The following RBBP5 variants were observed in gnomAD, a reference collection of about 807,000 sequenced individuals.
RBBP5 encodes RB binding protein 5, histone lysine methyltransferase complex subunit, also known as retinoblastoma-binding protein 5.
RBBP5 carries 5 observed loss-of-function variants against 72.2 expected under a neutral mutation model. The observed-to-expected ratio is 0.07, with a 90% CI of 0.04 to 0.15. The LOEUF (loss-of-function observed/expected upper bound fraction) is 0.15. RBBP5 is among the 10% of genes least tolerant of loss of function. RBBP5 has a pLI of 1.00. For missense variants in RBBP5, 322 were observed against 652.2 expected (o/e 0.49, Z 5.51); for synonymous variants, 209 against 237.2 (o/e 0.88, Z 1.09).
Position 205,095,037 on chromosome 1 carries a change from C to T in RBBP5, c.1424G>A (p.Gly475Glu). The T allele has an allele frequency of 6.2e-7, 1 of 1,614,086 alleles. No homozygotes were observed. Among genetic ancestry groups the T allele is most frequent in the Non-Finnish European group, 8.5e-7 (1 of 1,180,016 alleles). ...TTGCTTCTTCTTGGATTTGCCATCC[C>T]CCTTCACACCCAGTAGTGGATGGAC... The part of the protein sequence containing the change: ...DEVHPLLGVK[G>E]DGKSKKKQAG... Residue 475 changes from glycine (G) to glutamate (E), a missense_variant, in exon 13 of 14, where the codon GGG (glycine) becomes GAG (glutamate). By Grantham distance (98) the Gly-to-Glu change is moderately conservative (BLOSUM62 -2). Around this residue, in one of 6 missense-constraint regions of RBBP5, gnomAD observed 109 missense variants for 146.3 expected, o/e 0.75. Coordinates refer to ENST00000264515, the MANE Select transcript of RBBP5 (RefSeq NM_005057.4).
chr1:205,087,116 G>T lies in RBBP5; in HGVS notation c.*1671C>A, dbSNP rs1269633717. On this transcript the variant is annotated 3_prime_UTR_variant, in exon 14 of 14. Transcript: ENST00000264515. ...GAGACAAAGAGGCTCTTGCTGACGT[G>T]CTCTACTTTGATTTCTATCCTAAAA... 1 of 152,070 alleles carries T rather than the reference G, an allele frequency of 6.6e-6. No individual in the cohort carries two copies. Among genetic ancestry groups the T allele is most frequent in the African/African-American group, 2.4e-5 (1 of 41,406 alleles). 9.4% of individuals were successfully genotyped at this position (152,070 alleles called of 1,614,324 possible).
intron 3 of RBBP5, among the ~76,000 whole-genome samples, chr1:205,109,252 A>AGGGTAAAAGGGGGGATGATGGGAGG (rs1656206150): frequency 6.6e-6 from 1 of 152,090 alleles, no homozygotes; most frequent in African/African-American, 2.4e-5. Context: ...TGATGATAGG[A>AGGGTAAAAGGGGGGATGATGGGAGG]GGGTAAAAGG....
Position 205,099,639 on chromosome 1 carries a change from G to T in RBBP5, c.978+102C>A. The T allele has an allele frequency of 8.0e-7, 1 of 1,253,274 alleles. No homozygotes were observed. Among genetic ancestry groups the T allele is most frequent in the Non-Finnish European group, 1.1e-6 (1 of 893,000 alleles). 77.6% of individuals were successfully genotyped at this position (1,253,274 alleles called of 1,614,324 possible). A position where few individuals can be genotyped will look rare whatever the true frequency, so the allele number is the denominator to read the frequency against. On this transcript the variant is annotated intron_variant, in intron 9 of 13. Transcript: ENST00000264515. The surrounding 1 kb of genome is among the most constrained non-coding windows in gnomAD (Gnocchi z 4.7). ...GTAATTTAGGTTGCGAGAATCATATGCAAAAGAAAATAAAAATGTAATTTT... is the reference window on the plus strand; with the variant it reads ...GTAATTTAGGTTGCGAGAATCATATTCAAAAGAAAATAAAAATGTAATTTT...
intron 4 of RBBP5, 69 bp downstream of exon 4, chr1:205,104,959 T>TA: frequency 6.5e-7 from 1 of 1,527,816 alleles, no homozygotes; most frequent in Non-Finnish European, 9.0e-7. Context: ...AAACTAAAAT[T>TA]ATCATGAGCC....
rs1655201028 is a variant in RBBP5, at chr1:205,088,087, A to G, written c.*700T>C. On this transcript the variant is annotated 3_prime_UTR_variant, in exon 14 of 14. Transcript: ENST00000264515. ...ATAAAACTAGCTATCTTCAAAAACC[A>G]TGATTGATGACAATGAACCAATATT... 1 of 152,338 alleles carries G rather than the reference A, an allele frequency of 6.6e-6. No homozygotes were observed. Among genetic ancestry groups the G allele is most frequent in the African/African-American group, 2.4e-5 (1 of 41,578 alleles). 9.4% of individuals were successfully genotyped at this position (152,338 alleles called of 1,614,324 possible). A position where few individuals can be genotyped will look rare whatever the true frequency, so the allele number is the denominator to read the frequency against.
chr1:205,105,779 C>T (rs1656037923), intron 3 of RBBP5, among the ~76,000 whole-genome samples: 3 of 152,226 alleles, frequency 2.0e-5, no homozygotes, highest in African/African-American at 7.2e-5. Flanking sequence ...AGCCAACAAC[C>T]TGGTAATGCC....
chr1:205,102,580 A>G (rs1271029272), intron 5 of RBBP5, among the ~76,000 whole-genome samples: 1 of 152,208 alleles, frequency 6.6e-6, no homozygotes, highest in Non-Finnish European at 1.5e-5. Flanking sequence ...ATTTCTAAAG[A>G]TGGATGGTGA....
At chr1:205,105,316 C>A in intron 3 of RBBP5, 148 bp from the exon 4 acceptor site, 3 of 795,424 alleles carry the variant, frequency 3.8e-6, no homozygotes, top group South Asian at 2.2e-5. Context: ...AATCCATAAG[C>A]TTTTCCAACT....
At position 205,088,437 on chromosome 1, in the gene RBBP5, T is replaced by A. The variant is rs1406897169; in HGVS notation, c.*350A>T. The A allele has an allele frequency of 4.6e-6, 1 of 216,654 alleles. No homozygotes were observed. Among genetic ancestry groups the A allele is most frequent in the Non-Finnish European group, 9.1e-6 (1 of 109,938 alleles). The allele number at this position is 216,654 out of a possible 1,614,324, so 13.4% of individuals were successfully genotyped here. A position where few individuals can be genotyped will look rare whatever the true frequency, so the allele number is the denominator to read the frequency against. ...CAAATGGGAGATAGGAAATGACATG[T>A]CAAAATGACGCTGGGTACAATGAAG... On this transcript the variant is annotated 3_prime_UTR_variant, in exon 14 of 14. Coordinates refer to ENST00000264515, the MANE Select transcript of RBBP5 (RefSeq NM_005057.4).
intron 13 of RBBP5, among the ~76,000 whole-genome samples, chr1:205,092,875 AC>A (rs1334957269): frequency 6.6e-6 from 1 of 152,238 alleles, no homozygotes; most frequent in Non-Finnish European, 1.5e-5. Flanking sequence ...AGCCTTATTT[AC>A]CATAATTTCC....
At chr1:205,095,295 A>C (rs1655566982) in intron 12 of RBBP5, among the ~76,000 whole-genome samples, 1 of 152,208 alleles carries the variant, frequency 6.6e-6, no homozygotes, top group Non-Finnish European at 1.5e-5. Flanking sequence ...TCTGTGGCCC[A>C]CAGGCTACAT....
rs905809821 is a variant in RBBP5 at position 205,087,494 on chromosome 1, C to T, written c.*1293G>A. The T allele has an allele frequency of 6.7e-6, 1 of 150,012 alleles. No individual in the cohort carries two copies. Among genetic ancestry groups the T allele is most frequent in the Admixed American group, 6.7e-5 (1 of 15,002 alleles). The allele number at this position is 150,012 out of a possible 1,614,324, so 9.3% of individuals were successfully genotyped here. On this transcript the variant is annotated 3_prime_UTR_variant, in exon 14 of 14. Coordinates refer to ENST00000264515, the MANE Select transcript of RBBP5 (RefSeq NM_005057.4). The stretch of plus-strand genomic sequence containing the variant: ...TACAGGCGTGACCCACCACGCCCGG[C>T]TCACCAACTGATATATTTCACAGTA...
At chr1:205,098,698 C>T (rs1051289357) in intron 10 of RBBP5, among the ~76,000 whole-genome samples, 2 of 151,616 alleles carry the variant, frequency 1.3e-5, no homozygotes, top group Non-Finnish European at 2.9e-5. Context: ...ACAAAAAATT[C>T]GCTGGGAGTG....
chr1:205,098,862 A>G, intron 10 of RBBP5, 127 bp downstream of exon 10: 1 of 560,884 alleles, frequency 1.8e-6, no homozygotes, highest in Non-Finnish European at 2.9e-6. Flanking sequence ...AAAAAAAAAA[A>G]AAGTGTGGGG....
chr1:205,111,336 T>C (rs1024538355), intron 3 of RBBP5, among the ~76,000 whole-genome samples: 8 of 152,174 alleles, frequency 5.3e-5, no homozygotes, highest in Non-Finnish European at 7.3e-5. Flanking sequence ...GCTGAGAACA[T>C]AGCAGTGAAA....
rs1189158568 is a variant in RBBP5, at chr1:205,119,050, T to C, written c.19+2805A>G. 2.0e-5 allele frequency among the ~76,000 whole-genome samples: 3 copies of C among 152,362 alleles called. No individual in the cohort carries two copies. The East Asian group carries it at 5.8e-4, about 29-fold the overall frequency. ...ATGCAGAGTCATTTTCAGAGATTGTTATCTTTCGGACCCAGGCTTCTTTAA... is the reference window on the plus strand; with the variant it reads ...ATGCAGAGTCATTTTCAGAGATTGTCATCTTTCGGACCCAGGCTTCTTTAA... On this transcript the variant is annotated intron_variant, in intron 1 of 13. Coordinates refer to ENST00000264515, the MANE Select transcript of RBBP5 (RefSeq NM_005057.4).
At chr1:205,095,165 C>G in intron 12 of RBBP5, 101 bp from the exon 13 acceptor site, 1 of 1,089,954 alleles carries the variant, frequency 9.2e-7, no homozygotes, top group Middle Eastern at 2.6e-4. Context: ...TGTCCCAGAT[C>G]AATTAATAAT....
At chr1:205,115,105 T>C (rs1379353792) in intron 2 of RBBP5, 144 bp from the exon 3 acceptor site, 5 of 800,208 alleles carry the variant, frequency 6.2e-6, no homozygotes, top group African/African-American at 1.8e-5. Context: ...TCTTCTTATA[T>C]CTATTAAAAT....
At chr1:205,113,286 C>A (rs1374123202) in intron 3 of RBBP5, among the ~76,000 whole-genome samples, 1 of 145,210 alleles carries the variant, frequency 6.9e-6, no homozygotes, top group Non-Finnish European at 1.5e-5. Flanking sequence ...GGTAAGAGTT[C>A]TTTTTTTTTT....
Sources: gnomAD v4.1 joint callset for allele counts (sites outside exome capture counted in the v4.1 genomes callset) on GRCh38, gnomAD v4.1.1 for gene constraint, gnomAD v4.1.1 regional missense constraint, Gnocchi (gnomAD v3.1) non-coding constraint, MANE v1.5 for transcripts, NCBI Gene and HGNC (gene_info 2026-07-23, HGNC 2026-07-21) for gene names.